CYB5RL: variants seen among roughly 807,000 people sequenced by gnomAD.
CYB5RL encodes the protein NADH-cytochrome b5 reductase-like.
CYB5RL carries 38 observed loss-of-function variants against 37.5 expected under a neutral mutation model. The observed-to-expected ratio is 1.01, with a 90% CI of 0.78 to 1.33. The LOEUF is 1.33. Ranked by LOEUF, CYB5RL falls within the 40% of genes most tolerant of loss-of-function variation. The pLI is 0.00. For missense variants in CYB5RL, 388 were observed against 394.4 expected, an observed-to-expected ratio of 0.98 and a Z score of 0.14; for synonymous variants, 141 against 151.9, an observed-to-expected ratio of 0.93 and a Z score of 0.53.
Position 54,173,523 on chromosome 1 carries a change from C to T in CYB5RL, c.*1096G>A, listed in dbSNP as rs915569817. 2.0e-5 allele frequency: 3 copies of T among 152,206 alleles called. No individual in the cohort carries two copies. The highest frequency in any genetic ancestry group is 1.3e-4 in the Admixed American group (2 of 15,288). The allele number at this position is 152,206 out of a possible 1,614,324, so 9.4% of individuals were successfully genotyped here. A position where few individuals can be genotyped will look rare whatever the true frequency, so the allele number is the denominator to read the frequency against. ...TTAGTCTCACTGGGCTTCAGTTTCC[C>T]GTGTATACGATAAGTCTGTCACACT... is the stretch of plus-strand genomic sequence containing the variant. On this transcript the variant is annotated 3_prime_UTR_variant, in exon 8 of 8. Coordinates refer to ENST00000534324, the MANE Select transcript of CYB5RL (RefSeq NM_001031672.4).
In CYB5RL at chr1:54,190,817, T is replaced by G. The variant is rs750618240; in HGVS notation, c.278A>C (p.Tyr93Ser). Residue 93 changes from tyrosine to serine, a missense_variant, in exon 4 of 8, where the codon TAC becomes TCC. Physicochemically the swap from Tyr to Ser is moderately radical, Grantham distance 144. Coordinates refer to ENST00000534324, the MANE Select transcript of CYB5RL (RefSeq NM_001031672.4). ...CCCGGGTAGAGCAAACCGGACACGG[T>G]AGGTGTCCTTAGTGAGCCTGTCCAT... The part of the protein sequence containing the change: ...IAMDRLTKDT[Y>S]RVRFALPGNS... 3.1e-6 allele frequency: 5 copies of G among 1,593,816 alleles called. No homozygotes were observed. Among genetic ancestry groups the G allele is most frequent in the South Asian group, 2.3e-5 (2 of 87,494 alleles).
rs763542156 is a variant in CYB5RL at position 54,175,633 on chromosome 1, T to C, written c.745-811A>G. The C allele has an allele frequency of 1.5e-4, 69 of 445,474 alleles. 1 individual carries two copies. Among genetic ancestry groups the C allele is most frequent in the South Asian group, 1.1e-3 (68 of 63,150 alleles). 27.6% of individuals were successfully genotyped at this position (445,474 alleles called of 1,614,324 possible). ...GTATACAGTTAGCCCTCTGTATCCATGGGTTCCACATTTGTGGATTCAACC... is the reference window on the plus strand; with the variant it reads ...GTATACAGTTAGCCCTCTGTATCCACGGGTTCCACATTTGTGGATTCAACC... On this transcript the variant is annotated intron_variant, in intron 7 of 7. Transcript: ENST00000534324.
chr1:54,180,285 A>G (rs1280665455), intron 6 of CYB5RL: 1 of 386,282 alleles, frequency 2.6e-6, no homozygotes, highest in Admixed American at 3.3e-5. Context: ...TCCCAGTTCC[A>G]TCAACTCCTC....
intron 3 of CYB5RL, among the ~76,000 whole-genome samples, chr1:54,191,797 C>G (rs1011851315): frequency 6.6e-6 from 1 of 152,206 alleles, no homozygotes; most frequent in African/African-American, 2.4e-5. Flanking sequence ...CCAGGATGAC[C>G]TCTTCATCAT....
At position 54,171,196 on chromosome 1, in the gene CYB5RL, C is replaced by T. The variant is rs564385397; in HGVS notation, c.*3423G>A. ...GAGGCAAAAAAGGTGAGTGGGAGAT[C>T]GGAAGGTGGGAGGCTGGCCAGGCAG... On this transcript the variant is annotated 3_prime_UTR_variant, in exon 8 of 8. Transcript: ENST00000534324. 13 of 455,846 alleles carry T rather than the reference C, an allele frequency of 2.9e-5. No homozygotes were observed. Among genetic ancestry groups the T allele is most frequent in the East Asian group, 2.8e-4 (4 of 14,370 alleles). The allele number at this position is 455,846 out of a possible 1,614,324, so 28.2% of individuals were successfully genotyped here.
chr1:54,176,505 A>G (rs1189247128), intron 7 of CYB5RL, among the ~76,000 whole-genome samples: 1 of 152,180 alleles, frequency 6.6e-6, no homozygotes, highest in Non-Finnish European at 1.5e-5. Flanking sequence ...GCACTCCAGC[A>G]TGGGCAACAG....
At chr1:54,177,185 G>A (rs1184675822) in intron 7 of CYB5RL, among the ~76,000 whole-genome samples, 1 of 152,154 alleles carries the variant, frequency 6.6e-6, no homozygotes, top group African/African-American at 2.4e-5. Context: ...CTGCCTTTAG[G>A]ACTGCAGGAG....
intron 7 of CYB5RL, among the ~76,000 whole-genome samples, chr1:54,177,920 G>A (rs1406739984): frequency 6.6e-6 from 1 of 152,080 alleles, no homozygotes; most frequent in South Asian, 2.1e-4. Flanking sequence ...AGCAGCTTGG[G>A]GACCCTCTGC....
chr1:54,196,899 G>A (rs1381262196), intron 1 of CYB5RL, among the ~76,000 whole-genome samples: 6 of 152,222 alleles, frequency 3.9e-5, no homozygotes, highest in Non-Finnish European at 8.8e-5. Flanking sequence ...GGCAGAATGA[G>A]AAGACAGGGG....
chr1:54,174,727 A>C lies in CYB5RL; in HGVS notation c.840T>G (p.Cys280Trp). ...QDLIKELVSC[C>W]RRKPFALVCG... ...AGACCAGTGCGAATGGCTTTCTCCG[A>C]CAGCAGCTGACCAGCTCTTTAATTA... The change falls in exon 8 of 8, where the codon TGT (cysteine) becomes TGG (tryptophan). Residue 280 changes from cysteine to tryptophan, a missense_variant. By Grantham distance (215) the Cys-to-Trp change is radical. Transcript: ENST00000534324. 2 of 1,614,044 alleles carry C rather than the reference A, an allele frequency of 1.2e-6. No homozygotes were observed. The highest frequency in any genetic ancestry group is 1.7e-6 in the Non-Finnish European group (2 of 1,179,888).
intron 3 of CYB5RL, among the ~76,000 whole-genome samples, chr1:54,191,627 G>A (rs868496460): frequency 1.3e-5 from 2 of 152,034 alleles, no homozygotes. Flanking sequence ...TTACTCCTGG[G>A]ACCCCTCAAT....
chr1:54,179,444 A>G (rs1209661345), intron 6 of CYB5RL, 92 bp from the exon 7 acceptor site: 1 of 1,338,370 alleles, frequency 7.5e-7, no homozygotes, highest in Non-Finnish European at 1.0e-6. Flanking sequence ...GCTTCCTTCA[A>G]CTGGACGGCA....
intron 3 of CYB5RL, among the ~76,000 whole-genome samples, chr1:54,193,665 T>C (rs1643977529): frequency 6.6e-6 from 1 of 151,952 alleles, no homozygotes; most frequent in Non-Finnish European, 1.5e-5. Flanking sequence ...CAAGACCCCA[T>C]CTCTATCTTT....
rs1236236837 is a variant in CYB5RL, at chr1:54,170,255, A to T, written c.*4364T>A. On this transcript the variant is annotated 3_prime_UTR_variant, in exon 8 of 8. Coordinates refer to ENST00000534324, the MANE Select transcript of CYB5RL (RefSeq NM_001031672.4). ...GTAGCTGGGATTACAGGTGCGCACC[A>T]CCATGCCCAGCTAATTTTTCTATCT... The T allele has an allele frequency of 4.0e-5, 6 of 151,616 alleles. No homozygotes were observed. Among genetic ancestry groups the T allele is most frequent in the African/African-American group, 1.5e-4 (6 of 41,190 alleles). The allele number at this position is 151,616 out of a possible 1,614,324, so 9.4% of individuals were successfully genotyped here.
At position 54,172,526 on chromosome 1, in the gene CYB5RL, G is replaced by C. The variant is rs184491250; in HGVS notation, c.*2093C>G. On this transcript the variant is annotated 3_prime_UTR_variant, in exon 8 of 8. Coordinates refer to ENST00000534324, the MANE Select transcript of CYB5RL (RefSeq NM_001031672.4). Reference sequence around the variant, plus strand: ...GCTTTTGAAGCCTCTATCCCCGCTGGCAGTGGTGTGCCCCTGGGCTCTCCC... The same window carrying C: ...GCTTTTGAAGCCTCTATCCCCGCTGCCAGTGGTGTGCCCCTGGGCTCTCCC... The C allele has an allele frequency of 1.3e-5, 2 of 152,214 alleles. No individual in the cohort carries two copies. Among genetic ancestry groups the C allele is most frequent in the African/African-American group, 4.8e-5 (2 of 41,514 alleles). 9.4% of individuals were successfully genotyped at this position (152,214 alleles called of 1,614,324 possible).
In CYB5RL at chr1:54,172,318, C is replaced by T. The variant is rs1659911424; in HGVS notation, c.*2301G>A. 6.6e-6 allele frequency: 1 copy of T among 150,922 alleles called. No homozygotes were observed. The highest frequency in any genetic ancestry group is 2.4e-5 in the African/African-American group (1 of 41,056). 9.3% of individuals were successfully genotyped at this position (150,922 alleles called of 1,614,324 possible). A position where few individuals can be genotyped will look rare whatever the true frequency, so the allele number is the denominator to read the frequency against. On this transcript the variant is annotated 3_prime_UTR_variant, in exon 8 of 8. Coordinates refer to ENST00000534324, the MANE Select transcript of CYB5RL (RefSeq NM_001031672.4). ...AGTAGCTGGGACTACAGGCGCATAC[C>T]ACCACATAAGGTTAATCTTTTTTTT... is the stretch of plus-strand genomic sequence containing the variant.
chr1:54,192,714 C>T (rs1464014041), intron 3 of CYB5RL, among the ~76,000 whole-genome samples: 5 of 151,726 alleles, frequency 3.3e-5, no homozygotes, highest in South Asian at 2.1e-4. Context: ...CTGGCAGAAC[C>T]GGGCCTCAGT....
Position 54,190,867 on chromosome 1 carries a change from G to A in CYB5RL, c.228C>T (p.Thr76=), listed in dbSNP as rs990240283. ...QSCPSKLNPE[T]FVAFCIIAMD... ...TGGCAATGATGCAGAAGGCCACGAA[G>A]GTCTCTGGGTTCAGCTTGGAGGGGC... The change falls in exon 4 of 8, where the codon ACC becomes ACT. Residue 76 remains threonine, a synonymous_variant. Coordinates refer to ENST00000534324, the MANE Select transcript of CYB5RL (RefSeq NM_001031672.4). 6.2e-7 allele frequency: 1 copy of A among 1,611,816 alleles called. No individual in the cohort carries two copies. The highest frequency in any genetic ancestry group is 1.7e-5 in the Admixed American group (1 of 59,766).
At chr1:54,197,562 T>C (rs977512231) in intron 1 of CYB5RL, among the ~76,000 whole-genome samples, 3 of 152,130 alleles carry the variant, frequency 2.0e-5, no homozygotes, top group Non-Finnish European at 4.4e-5. Context: ...ATGTTCACAA[T>C]GGCTGGCTTG....
Sources: allele counts gnomAD v4.1 joint callset (sites outside exome capture counted in the v4.1 genomes callset), GRCh38; gene constraint gnomAD v4.1.1; transcripts MANE v1.5; gene names NCBI Gene and HGNC (gene_info 2026-07-23, HGNC 2026-07-21).